WDR89: variants seen among roughly 807,000 people sequenced by gnomAD.
WDR89 encodes the protein WD repeat domain 89, also known as WD repeat-containing protein 89.
WDR89 carries 17 observed loss-of-function variants against 29.1 expected under a neutral mutation model. The observed-to-expected ratio is 0.58, with a 90% CI of 0.40 to 0.88. WDR89 has a LOEUF of 0.88. WDR89 is among the 40% of genes least tolerant of loss of function. WDR89 has a pLI of 0.00. For synonymous variants in WDR89, 138 were observed against 157.8 expected (o/e 0.87, Z 0.94); for missense variants, 396 against 456.3 (o/e 0.87, Z 1.20).
intron 2 of WDR89, among the ~76,000 whole-genome samples, chr14:63,622,799 C>G (rs1882787689): frequency 6.6e-6 from 1 of 152,028 alleles, no homozygotes; most frequent in African/African-American, 2.4e-5. Context: ...AAATGCATGA[C>G]AATAATAGTG....
chr14:63,603,263 TAC>T (rs111304246), intron 2 of WDR89, among the ~76,000 whole-genome samples: 42 of 149,226 alleles, frequency 2.8e-4, no homozygotes, highest in East Asian at 5.9e-4. Flanking sequence ...TTTCTCTCTC[TAC>T]ACACACACAC....
chr14:63,621,786 C>T (rs1247347944), intron 2 of WDR89: 1 of 152,180 alleles, frequency 6.6e-6, no homozygotes, highest in Non-Finnish European at 1.5e-5. Context: ...GTGAGTTATC[C>T]CAACTGATTG....
chr14:63,638,894 C>A (rs952832180), intron 1 of WDR89, among the ~76,000 whole-genome samples: 1 of 152,188 alleles, frequency 6.6e-6, no homozygotes, highest in Non-Finnish European at 1.5e-5. Context: ...GAATCTATGA[C>A]TGTTTCATTA....
chr14:63,628,745 C>G (rs1283829309), intron 1 of WDR89, among the ~76,000 whole-genome samples: 1 of 152,160 alleles, frequency 6.6e-6, no homozygotes, highest in Non-Finnish European at 1.5e-5. Context: ...AGGACTGCCT[C>G]AGCCTAGGAG....
intron 2 of WDR89, 111 bp from the exon 3 acceptor site, chr14:63,600,084 CCT>C: frequency 1.8e-6 from 1 of 547,980 alleles, no homozygotes; most frequent in East Asian, 3.3e-5. Context: ...AGAACATTTT[CCT>C]CTGAGGGCTG....
intron 1 of WDR89, among the ~76,000 whole-genome samples, chr14:63,630,139 G>T (rs1193849342): frequency 6.6e-6 from 1 of 151,738 alleles, no homozygotes; most frequent in Admixed American, 6.6e-5. Context: ...GTAGAGACGG[G>T]GTTTCCCCAT....
chr14:63,627,692 C>T (rs567925026), intron 1 of WDR89, among the ~76,000 whole-genome samples: 31 of 151,998 alleles, frequency 2.0e-4, no homozygotes, highest in African/African-American at 7.0e-4. Flanking sequence ...GTTTCCTTCA[C>T]GAAGGAATAA....
chr14:63,601,364 G>T, intron 2 of WDR89: 2 of 555,524 alleles, frequency 3.6e-6, no homozygotes, highest in Non-Finnish European at 6.4e-6. Flanking sequence ...TTCACGGACT[G>T]TGCTCTAAAC....
chr14:63,613,788 C>T (rs548293020), intron 2 of WDR89, among the ~76,000 whole-genome samples: 5 of 150,256 alleles, frequency 3.3e-5, no homozygotes, highest in Admixed American at 6.6e-5. Flanking sequence ...GTGTGAGCCA[C>T]TGCACTCGGC....
intron 1 of WDR89, chr14:63,630,851 T>C (rs1351331878): frequency 6.6e-6 from 1 of 151,714 alleles, no homozygotes; most frequent in Non-Finnish European, 1.5e-5. Context: ...TGCAGTGTAG[T>C]GGCACAAACA....
intron 2 of WDR89, among the ~76,000 whole-genome samples, chr14:63,610,077 G>C (rs1247955173): frequency 7.3e-5 from 11 of 151,478 alleles, no homozygotes; most frequent in Non-Finnish European, 1.6e-4. Flanking sequence ...ATACTCATCT[G>C]AGTGCAGTGG....
intron 1 of WDR89, among the ~76,000 whole-genome samples, chr14:63,638,966 G>T (rs1428968094): frequency 6.6e-6 from 1 of 152,102 alleles, no homozygotes; most frequent in African/African-American, 2.4e-5. Flanking sequence ...TTTATCTGGG[G>T]GGGTCCTTAA....
Position 63,626,061 on chromosome 14 carries a change from C to T in WDR89, c.-137-1028G>A, listed in dbSNP as rs1883021855. On this transcript the variant is annotated intron_variant, in intron 1 of 2. Coordinates refer to ENST00000620954, the MANE Select transcript of WDR89 (RefSeq NM_080666.4). ...TAGAGATGGGGTTTCACCATGTTGG[C>T]CAGGATGGTCTCAATCTCCTGACCT... Among the ~76,000 whole-genome samples, 2 of 152,084 alleles carry T rather than the reference C, an allele frequency of 1.3e-5. 1 individual carries two copies. The highest frequency in any genetic ancestry group is 4.8e-5 in the African/African-American group (2 of 41,498).
chr14:63,611,245 G>A (rs950838056), intron 2 of WDR89, among the ~76,000 whole-genome samples: 1 of 145,564 alleles, frequency 6.9e-6, no homozygotes, highest in East Asian at 2.2e-4. Context: ...GCTGAGGCAT[G>A]AGAATCACTT....
chr14:63,628,604 T>C (rs1405248958), intron 1 of WDR89, among the ~76,000 whole-genome samples: 1 of 152,064 alleles, frequency 6.6e-6, no homozygotes, highest in Non-Finnish European at 1.5e-5. Context: ...GCAATGCAAA[T>C]CTCTGGAGAA....
rs777219589 is a variant in WDR89 at position 63,598,816 on chromosome 14, T to C, written c.1127A>G (p.His376Arg). ...ASSVHQRVRVHSNDSYKRRKK... is the reference protein window; with the variant it reads ...ASSVHQRVRVRSNDSYKRRKK... ...CCTTCTTTTATAAGAATCATTACTA[T>C]GAACTCGTACTCGTTGGTGCACAGA... The change falls in exon 3 of 3, where the codon CAT becomes CGT. Residue 376 changes from histidine to arginine, a missense_variant. By Grantham distance (29) the His-to-Arg change is conservative (BLOSUM62 0). Transcript: ENST00000620954. 4.4e-6 allele frequency: 7 copies of C among 1,604,584 alleles called. No homozygotes were observed. Among genetic ancestry groups the C allele is most frequent in the Non-Finnish European group, 6.0e-6 (7 of 1,175,724 alleles).
At chr14:63,622,748 C>G (rs1216119882) in intron 2 of WDR89, among the ~76,000 whole-genome samples, 3 of 152,038 alleles carry the variant, frequency 2.0e-5, no homozygotes, top group Non-Finnish European at 4.4e-5. Flanking sequence ...CCCTGGGCAA[C>G]AGATCAAGAC....
intron 1 of WDR89, among the ~76,000 whole-genome samples, chr14:63,626,292 G>C (rs1205148197): frequency 6.6e-6 from 1 of 152,102 alleles, no homozygotes; most frequent in Non-Finnish European, 1.5e-5. Context: ...TACTATGCAA[G>C]AAATTTATCC....
intron 2 of WDR89, among the ~76,000 whole-genome samples, chr14:63,604,750 T>C (rs1566790269): frequency 6.6e-6 from 1 of 152,234 alleles, no homozygotes; most frequent in Non-Finnish European, 1.5e-5. Context: ...AAGTGGTTGC[T>C]GAATACATTA....
Sources: allele counts gnomAD v4.1 joint callset (sites outside exome capture counted in the v4.1 genomes callset), GRCh38; gene constraint gnomAD v4.1.1; transcripts MANE v1.5; gene names NCBI Gene and HGNC (gene_info 2026-07-23, HGNC 2026-07-21).